Variants in KATNA1 observed in about 807,000 individuals in gnomAD.
KATNA1 encodes the protein katanin p60 ATPase-containing subunit A1.
A neutral mutation model predicts 62.6 loss-of-function variants in KATNA1; 42 were observed. The ratio of observed to expected loss-of-function variants is 0.67; its 90% CI spans 0.52 to 0.87. The LOEUF is 0.87. Ranked by LOEUF, KATNA1 falls within the 40% of genes least tolerant of loss-of-function variation. The pLI is 0.00. For synonymous variants in KATNA1, 186 were observed against 201.9 expected (o/e 0.92, Z 0.67); for missense variants, 498 against 612.5 (o/e 0.81, Z 1.97).
chr6:149,644,971 A>G (rs1342910115), intron 1 of KATNA1, among the ~76,000 whole-genome samples: 11 of 152,182 alleles, frequency 7.2e-5, no homozygotes, highest in Non-Finnish European at 1.5e-5. Context: ...AATTTTCCCC[A>G]TTCCCTTATT....
intron 3 of KATNA1, among the ~76,000 whole-genome samples, chr6:149,631,821 T>C (rs965123662): frequency 6.6e-6 from 1 of 152,180 alleles, no homozygotes. Context: ...AAACTATGCA[T>C]GATTGGCTAG....
At chr6:149,599,546 T>A (rs1288436345) in intron 7 of KATNA1, among the ~76,000 whole-genome samples, 1 of 151,028 alleles carries the variant, frequency 6.6e-6, no homozygotes, top group East Asian at 1.9e-4. Context: ...TTGCAAATCA[T>A]CCCTTTCTTT....
In KATNA1 at chr6:149,623,152, G is replaced by A. The variant is rs774028107; in HGVS notation, c.452C>T (p.Ala151Val). Residue 151 changes from alanine to valine, a missense_variant, in exon 4 of 11, where the codon GCT (alanine) becomes GTT (valine). Around this residue, in one of 3 missense-constraint regions of KATNA1, gnomAD observed 203 missense variants for 198.4 expected, o/e 1.02. Coordinates refer to ENST00000367411, the MANE Select transcript of KATNA1 (RefSeq NM_007044.4). ...AQNVHNDRGK[A>V]VRCREKKEQN... The stretch of plus-strand genomic sequence containing the variant: ...TTCTTTCTTTTCACGACAACGAACA[G>A]CTTTCCCTCTGTCATTGTGAACATT... The A allele has an allele frequency of 1.2e-6, 2 of 1,611,746 alleles. No homozygotes were observed. Among genetic ancestry groups the A allele is most frequent in the South Asian group, 2.2e-5 (2 of 90,358 alleles).
rs144551929 is a variant in KATNA1, at chr6:149,608,271, A to C, written c.502-3489T>G. ...TACCACAAACACAGGAGGACTCTGA[A>C]AGGTGCAAAGAAGCCAGCAGAGCCA... is the stretch of plus-strand genomic sequence containing the variant. On this transcript the variant is annotated intron_variant, in intron 4 of 10. Transcript: ENST00000367411. Among the ~76,000 whole-genome samples the C allele has an allele frequency of 6.4e-4, 98 of 152,276 alleles. 2 individuals carry two copies. The East Asian group carries it at 0.015, about 24-fold the overall frequency.
intron 3 of KATNA1, among the ~76,000 whole-genome samples, chr6:149,625,301 G>A (rs1410809887): frequency 6.6e-6 from 1 of 152,152 alleles, no homozygotes; most frequent in Non-Finnish European, 1.5e-5. Flanking sequence ...CTAGTTTAAG[G>A]GAGTAACAAT....
chr6:149,615,207 A>ATTT (rs1240088720), intron 4 of KATNA1, among the ~76,000 whole-genome samples: 1 of 131,970 alleles, frequency 7.6e-6, no homozygotes, highest in Non-Finnish European at 1.6e-5. Context: ...TTTTGTTTTG[A>ATTT]TTTTTTTTTT....
chr6:149,644,754 TA>T (rs1218161585), intron 1 of KATNA1, among the ~76,000 whole-genome samples: 11 of 152,210 alleles, frequency 7.2e-5, no homozygotes, highest in Admixed American at 6.6e-4. Flanking sequence ...AAGCCTTCTT[TA>T]AAGGTTCCAT....
At chr6:149,610,402 A>G (rs1397171694) in intron 4 of KATNA1, among the ~76,000 whole-genome samples, 2 of 152,142 alleles carry the variant, frequency 1.3e-5, no homozygotes, top group Non-Finnish European at 2.9e-5. Context: ...AGCAAAATAC[A>G]TACTCTTTTC....
In KATNA1 at chr6:149,623,190, A is replaced by G. The variant is rs753074118; in HGVS notation, c.414T>C (p.Arg138=). 3 of 1,613,742 alleles carry G rather than the reference A, an allele frequency of 1.9e-6. No homozygotes were observed. In the Admixed American group the frequency reaches 5.0e-5, roughly 27 times the overall value. ...CATTGTGAACATTCTGTGCAGATGAACGGTGAACTCTGACAGTTGTACTTG... is the reference window on the plus strand; with the variant it reads ...CATTGTGAACATTCTGTGCAGATGAGCGGTGAACTCTGACAGTTGTACTTG... ...NRPSTTVRVH[R]SSAQNVHNDR... The change falls in exon 4 of 11, where the codon CGT becomes CGC. Residue 138 remains arginine, a synonymous_variant. Transcript: ENST00000367411.
chr6:149,627,702 G>A (rs1779672575), intron 3 of KATNA1, among the ~76,000 whole-genome samples: 1 of 149,468 alleles, frequency 6.7e-6, no homozygotes, highest in African/African-American at 2.5e-5. Flanking sequence ...AGAAGGGAAA[G>A]GGGCTACAGG....
At chr6:149,616,324 C>T (rs1779164851) in intron 4 of KATNA1, among the ~76,000 whole-genome samples, 1 of 152,140 alleles carries the variant, frequency 6.6e-6, no homozygotes, top group Non-Finnish European at 1.5e-5. Context: ...CAATGAGATA[C>T]TACTTCACAC....
At chr6:149,596,966 G>A (rs1434203054) in intron 10 of KATNA1, 97 bp downstream of exon 10, 5 of 1,254,820 alleles carry the variant, frequency 4.0e-6, no homozygotes, top group African/African-American at 1.5e-5. Flanking sequence ...TCCAGTCTAG[G>A]CAACAGAGCG....
intron 6 of KATNA1, 30 bp downstream of exon 6, chr6:149,603,238 T>C (rs757501591): frequency 3.2e-6 from 3 of 928,308 alleles, no homozygotes; most frequent in Non-Finnish European, 5.1e-6. Context: ...GCCATTTACT[T>C]TGACAATGCC....
chr6:149,605,889 C>A (rs1052813188), intron 4 of KATNA1, among the ~76,000 whole-genome samples: 2 of 152,090 alleles, frequency 1.3e-5, no homozygotes, highest in African/African-American at 4.8e-5. Flanking sequence ...CTGTCTCAGC[C>A]TTCTGAGTAG....
rs1156429437 is a variant in KATNA1 at position 149,633,747 on chromosome 6, TA to T, written c.163-832del. On this transcript the variant is annotated intron_variant, in intron 2 of 10. Transcript: ENST00000367411. ...GAATCTGTCTCAAAAAAATAAAAAA[TA>T]AAAAAAAAATCCAGGCTAACTAAAT... 9.6e-5 allele frequency among the ~76,000 whole-genome samples: 13 copies of T among 135,216 alleles called. No individual in the cohort carries two copies. The East Asian group carries it at 1.7e-3, about 18-fold the overall frequency. 88.7% of individuals were successfully genotyped at this position (135,216 alleles called of 152,430 possible). A position where few individuals can be genotyped will look rare whatever the true frequency, so the allele number is the denominator to read the frequency against.
chr6:149,609,802 C>CA lies in KATNA1; in HGVS notation c.502-5021dup, dbSNP rs1169018343. 7.8e-3 allele frequency among the ~76,000 whole-genome samples: 506 copies of CA among 64,482 alleles called. 47 individuals carry two copies. The highest frequency in any genetic ancestry group is 0.036 in the Middle Eastern group (3 of 84). The allele number at this position is 64,482 out of a possible 152,430, so 42.3% of individuals were successfully genotyped here. A position where few individuals can be genotyped will look rare whatever the true frequency, so the allele number is the denominator to read the frequency against. ...TGGGCGACAGAGCTAGACTCCATCT[C>CA]AAAAAAAAAAAAAATAGGCCAGGTG... On this transcript the variant is annotated intron_variant, in intron 4 of 10. Coordinates refer to ENST00000367411, the MANE Select transcript of KATNA1 (RefSeq NM_007044.4).
At chr6:149,621,524 G>T (rs535385073) in intron 4 of KATNA1, among the ~76,000 whole-genome samples, 1 of 148,450 alleles carries the variant, frequency 6.7e-6, no homozygotes, top group Non-Finnish European at 1.5e-5. Context: ...ACTGAGTCTC[G>T]CTCTGTTGGT....
intron 4 of KATNA1, among the ~76,000 whole-genome samples, chr6:149,605,068 G>A (rs1778686216): frequency 6.6e-6 from 1 of 151,900 alleles, no homozygotes; most frequent in African/African-American, 2.4e-5. Context: ...AGCTACTCGG[G>A]AGGCTGAGGC....
intron 2 of KATNA1, among the ~76,000 whole-genome samples, chr6:149,634,027 C>T (rs1312106900): frequency 6.6e-6 from 1 of 151,850 alleles, no homozygotes; most frequent in Non-Finnish European, 1.5e-5. Context: ...AATCTCAACA[C>T]TTTGGGAGGC....
Sources: gnomAD v4.1 joint callset for allele counts (sites outside exome capture counted in the v4.1 genomes callset) on GRCh38, gnomAD v4.1.1 for gene constraint, gnomAD v4.1.1 regional missense constraint, MANE v1.5 for transcripts, NCBI Gene and HGNC (gene_info 2026-07-23, HGNC 2026-07-21) for gene names.